The following PCDHA8 variants were observed in gnomAD, a reference collection of about 807,000 sequenced individuals.
PCDHA8 encodes protocadherin alpha 8.
A neutral mutation model predicts 61.8 loss-of-function variants in PCDHA8; 53 were observed. The ratio of observed to expected loss-of-function variants is 0.86; its 90% CI spans 0.69 to 1.08. PCDHA8 has a LOEUF of 1.08. PCDHA8 is among the 50% of genes least tolerant of loss of function. The pLI is 0.00. For missense variants in PCDHA8, 1,293 were observed against 1,245.0 expected (o/e 1.04, Z -0.58); for synonymous variants, 618 against 556.6 (o/e 1.11, Z -1.55).
At chr5:140,891,022 G>C (rs2062905127) in intron 1 of PCDHA8, among the ~76,000 whole-genome samples, 1 of 151,804 alleles carries the variant, frequency 6.6e-6, no homozygotes, top group South Asian at 2.1e-4. Context: ...TTTTCTGAGG[G>C]TATAATCTTA....
chr5:140,918,238 T>A (rs1486197237), intron 1 of PCDHA8, among the ~76,000 whole-genome samples: 3 of 152,176 alleles, frequency 2.0e-5, no homozygotes, highest in African/African-American at 7.2e-5. Context: ...GTACATTGAT[T>A]TTGTATGCTG....
intron 1 of PCDHA8, among the ~76,000 whole-genome samples, chr5:140,945,813 C>G (rs10477097): frequency 1.1e-4 from 16 of 152,202 alleles, no homozygotes; most frequent in African/African-American, 3.6e-4. Context: ...TTATCTCACA[C>G]TGTATACAAA....
chr5:141,007,395 CAAAAAA>C (rs35800918), intron 3 of PCDHA8, among the ~76,000 whole-genome samples: 3 of 94,844 alleles, frequency 3.2e-5, no homozygotes, highest in East Asian at 2.9e-4. Flanking sequence ...TACTAAAATA[CAAAAAA>C]AAAAAAAAAA....
At chr5:141,003,762 G>A (rs1295345972) in intron 3 of PCDHA8, among the ~76,000 whole-genome samples, 1 of 152,146 alleles carries the variant, frequency 6.6e-6, no homozygotes, top group East Asian at 1.9e-4. Flanking sequence ...AATTATGGTC[G>A]TATTCTGTTA....
At position 140,842,221 on chromosome 5, in the gene PCDHA8, A is replaced by G. The variant is rs1420540390; in HGVS notation, c.900A>G (p.Gly300=). 6.2e-7 allele frequency: 1 copy of G among 1,613,116 alleles called. No individual in the cohort carries two copies. The highest frequency in any genetic ancestry group is 8.5e-7 in the Non-Finnish European group (1 of 1,179,348). The change falls in exon 1 of 4, where the codon GGA becomes GGG. Residue 300 remains glycine (G), a synonymous_variant. Coordinates refer to ENST00000531613, the MANE Select transcript of PCDHA8 (RefSeq NM_018911.3). ...IDHFSIDRNT[G]EIVIRGNLDF... is the part of the protein sequence containing the mutation. ...ACTTTAGCATAGATCGAAATACGGG[A>G]GAAATAGTGATTCGGGGTAATTTGG...
chr5:141,001,518 C>G (rs573560944), intron 3 of PCDHA8, among the ~76,000 whole-genome samples: 2 of 152,272 alleles, frequency 1.3e-5, no homozygotes, highest in East Asian at 1.9e-4. Context: ...AGCTTTCTCC[C>G]TCTCTCTCTG....
chr5:140,856,479 C>T, intron 1 of PCDHA8: 1 of 1,598,354 alleles, frequency 6.3e-7, no homozygotes, highest in Non-Finnish European at 8.6e-7. Context: ...ATACCTGAAT[C>T]CAGACTGCTT....
chr5:140,848,170 G>A, intron 1 of PCDHA8: 1 of 259,584 alleles, frequency 3.9e-6, no homozygotes, highest in Non-Finnish European at 7.4e-6. Flanking sequence ...GAAGGCTCCA[G>A]CAAGAGAAAC....
intron 1 of PCDHA8, among the ~76,000 whole-genome samples, chr5:140,845,887 A>G (rs1214611865): frequency 6.7e-6 from 1 of 149,822 alleles, no homozygotes; most frequent in Non-Finnish European, 1.5e-5. Context: ...AATGTCAGAA[A>G]GTCGTTATGG....
At chr5:140,845,354 C>A (rs2150378670) in intron 1 of PCDHA8, among the ~76,000 whole-genome samples, 4 of 149,532 alleles carry the variant, frequency 2.7e-5, no homozygotes, top group Non-Finnish European at 6.0e-5. Context: ...ATTTAATTGA[C>A]TTTTACAAAA....
At chr5:140,932,247 G>A (rs1463272112) in intron 1 of PCDHA8, among the ~76,000 whole-genome samples, 2 of 151,822 alleles carry the variant, frequency 1.3e-5, no homozygotes, top group Non-Finnish European at 3.0e-5. Context: ...ATCTAAGAGG[G>A]TACCTCTGAG....
At chr5:140,849,350 T>C in intron 1 of PCDHA8, 1 of 1,437,842 alleles carries the variant, frequency 7.0e-7, no homozygotes, top group Non-Finnish European at 9.5e-7. Flanking sequence ...CCAGTGATGT[T>C]TCTCCAGATA....
chr5:141,004,948 C>G (rs1356526927), intron 3 of PCDHA8, among the ~76,000 whole-genome samples: 1 of 152,236 alleles, frequency 6.6e-6, no homozygotes, highest in Non-Finnish European at 1.5e-5. Context: ...TTCTTACCCT[C>G]TCTCGTCACT....
intron 1 of PCDHA8, among the ~76,000 whole-genome samples, chr5:140,923,821 G>A (rs1009668330): frequency 1.3e-5 from 2 of 152,148 alleles, no homozygotes; most frequent in African/African-American, 2.4e-5. Flanking sequence ...GAAAATAGAC[G>A]TCAGTGGCAG....
chr5:140,983,429 T>G (rs2097050099), intron 3 of PCDHA8, among the ~76,000 whole-genome samples: 1 of 152,214 alleles, frequency 6.6e-6, no homozygotes, highest in South Asian at 2.1e-4. Flanking sequence ...AGACCACAAA[T>G]TGTGTCTACT....
intron 1 of PCDHA8, chr5:140,858,049 G>C (rs181372488): frequency 6.3e-7 from 1 of 1,597,448 alleles, no homozygotes. Flanking sequence ...TGCTTGTGTC[G>C]CTTGTGGAGG....
intron 1 of PCDHA8, chr5:140,929,943 A>C (rs996777609): frequency 1.3e-5 from 2 of 152,224 alleles, no homozygotes; most frequent in African/African-American, 4.8e-5. Flanking sequence ...TCTCTAGCCT[A>C]TACTTTTAAT....
rs1777969478 is a variant in PCDHA8, at chr5:140,842,458, A to C, written c.1137A>C (p.Ser379=). Residue 379 remains serine (S), a synonymous_variant, in exon 1 of 4, where the codon TCA becomes TCC. Coordinates refer to ENST00000531613, the MANE Select transcript of PCDHA8 (RefSeq NM_018911.3). Reference sequence around the variant, plus strand: ...TAATTAGCGTGAACGACCTCGATTCAGGTGCCAACGGGCAGGTGACCTGCT... The same window carrying C: ...TAATTAGCGTGAACGACCTCGATTCCGGTGCCAACGGGCAGGTGACCTGCT... ...IALISVNDLD[S]GANGQVTCSL... is the part of the protein sequence containing the mutation. 1 of 1,613,788 alleles carries C rather than the reference A, an allele frequency of 6.2e-7. No individual in the cohort carries two copies. The highest frequency in any genetic ancestry group is 1.1e-5 in the South Asian group (1 of 91,080).
At chr5:140,860,793 A>G (rs1012928413) in intron 1 of PCDHA8, 3 of 152,166 alleles carry the variant, frequency 2.0e-5, no homozygotes, top group Non-Finnish European at 4.4e-5. Context: ...GCTGGAGTGC[A>G]GTGGCACGAT....
Sources: gnomAD v4.1 joint callset for allele counts (sites outside exome capture counted in the v4.1 genomes callset) on GRCh38, gnomAD v4.1.1 for gene constraint, MANE v1.5 for transcripts, NCBI Gene and HGNC (gene_info 2026-07-23, HGNC 2026-07-21) for gene names.